The following MAPK8IP3 variants were observed in gnomAD, a reference collection of about 807,000 sequenced individuals.
The protein encoded by MAPK8IP3 is C-Jun-amino-terminal kinase-interacting protein 3.
Under a neutral mutation model 157.8 loss-of-function variants are expected in MAPK8IP3, and 49 were observed. The ratio of observed to expected loss-of-function variants is 0.31; its 90% CI spans 0.25 to 0.39. The LOEUF (loss-of-function observed/expected upper bound fraction) is 0.39, where lower values mean the gene tolerates loss of function less well. Among genes scored for constraint, MAPK8IP3 ranks in the 10% least tolerant of loss-of-function variants. MAPK8IP3 has a pLI of 1.00. For missense variants in MAPK8IP3, 1,478 were observed against 1,889.4 expected (o/e 0.78, Z 4.04); for synonymous variants, 897 against 777.7 (o/e 1.15, Z -2.55).
At chr16:1,755,818 C>T (rs1596741816) in intron 8 of MAPK8IP3, among the ~76,000 whole-genome samples, 1 of 146,746 alleles carries the variant, frequency 6.8e-6, no homozygotes, top group African/African-American at 2.6e-5. Context: ...CGCCGTTGCA[C>T]TCCAGCCTGG....
chr16:1,711,144 T>TA lies in MAPK8IP3; in HGVS notation c.318+4492dup, dbSNP rs535789246. The stretch of plus-strand genomic sequence containing the variant: ...AATATCTGTTTCATTTTTACGTTTT[T>TA]AAAAACCATTTTGAAATATGTACAG... On this transcript the variant is annotated intron_variant, in intron 1 of 31. Coordinates refer to ENST00000610761, the MANE Select transcript of MAPK8IP3 (RefSeq NM_001318852.2). 1.5e-4 allele frequency among the ~76,000 whole-genome samples: 23 copies of TA among 152,370 alleles called. No individual in the cohort carries two copies. In the South Asian group the frequency reaches 4.8e-3, roughly 32 times the overall value.
Position 1,762,706 on chromosome 16 carries a change from A to G in MAPK8IP3, c.1702A>G (p.Lys568Glu). Residue 568 changes from lysine (K) to glutamate (E), a missense_variant, in exon 15 of 32, where the codon AAG (lysine) becomes GAG (glutamate). Around this residue, in one of 11 missense-constraint regions of MAPK8IP3, gnomAD observed 669 missense variants for 759.8 expected, o/e 0.88. Transcript: ENST00000610761. ...CCGAGAGCACCCATCCGTCCAGGAG[A>G]AGAAGAAGTCGACCATCTGGCAGTT... ...ASREHPSVQE[K>E]KKSTIWQFFS... 3 of 1,570,522 alleles carry G rather than the reference A, an allele frequency of 1.9e-6. No individual in the cohort carries two copies. Among genetic ancestry groups the G allele is most frequent in the Non-Finnish European group, 2.6e-6 (3 of 1,156,458 alleles).
At chr16:1,725,159 T>C (rs927772882) in intron 2 of MAPK8IP3, among the ~76,000 whole-genome samples, 7 of 147,416 alleles carry the variant, frequency 4.7e-5, no homozygotes, top group Non-Finnish European at 7.4e-5. Flanking sequence ...TTTATTATTA[T>C]TATTATTATT....
Position 1,761,570 on chromosome 16 carries a change from C to T in MAPK8IP3, c.1539+265C>T, listed in dbSNP as rs550844608. On this transcript the variant is annotated intron_variant, in intron 13 of 31. Transcript: ENST00000610761. ...CGCCATTCACCATTCACACACAGGG[C>T]GACCACCATTCACCATTCACAGGCA... Among the ~76,000 whole-genome samples the T allele has an allele frequency of 8.4e-4, 121 of 144,062 alleles. 2 individuals carry two copies. The highest frequency in any genetic ancestry group is 3.3e-3 in the South Asian group (15 of 4,554). The allele number at this position is 144,062 out of a possible 152,430, so 94.5% of individuals were successfully genotyped here.
In MAPK8IP3 at chr16:1,764,998, C is replaced by T. The variant is rs750308774; in HGVS notation, c.2281-15C>T. The T allele has an allele frequency of 5.6e-6, 9 of 1,594,334 alleles. No homozygotes were observed. Among genetic ancestry groups the T allele is most frequent in the South Asian group, 2.2e-5 (2 of 90,362 alleles). On this transcript the variant is annotated splice_polypyrimidine_tract_variant and intron_variant, in intron 19 of 31. Coordinates refer to ENST00000610761, the MANE Select transcript of MAPK8IP3 (RefSeq NM_001318852.2). ...CAAGCTCGGGCTCTGACCTTGATCC[C>T]GTGCCCTGAAACAGGCCAAGGAGCT...
At chr16:1,764,250 CG>C in intron 18 of MAPK8IP3, 40 bp downstream of exon 18, 3 of 1,598,680 alleles carry the variant, frequency 1.9e-6, no homozygotes, top group Non-Finnish European at 1.7e-6. Context: ...GCTGGGCGAG[CG>C]GGAGGCTGGG....
Position 1,765,111 on chromosome 16 carries a change from G to C in MAPK8IP3, c.2379G>C (p.Gln793His), listed in dbSNP as rs776674105. 1.2e-6 allele frequency: 2 copies of C among 1,612,544 alleles called. No homozygotes were observed. Among genetic ancestry groups the C allele is most frequent in the Admixed American group, 1.7e-5 (1 of 60,002 alleles). Residue 793 changes from glutamine to histidine, a missense_variant, in exon 20 of 32, where the codon CAG becomes CAC. Gln to His is a conservative substitution (Grantham distance 24). Around this residue, in one of 11 missense-constraint regions of MAPK8IP3, gnomAD observed 669 missense variants for 759.8 expected, o/e 0.88. Transcript: ENST00000610761. Reference protein sequence around the residue: ...TSKVVIIDANQPGTVVDQFTV... With the variant: ...TSKVVIIDANHPGTVVDQFTV... ...AGGTGGTGATCATCGACGCCAACCA[G>C]CCGGGCACGGTGGTGGACCAGTTCA...
chr16:1,720,410 T>C (rs1165414015), intron 1 of MAPK8IP3, among the ~76,000 whole-genome samples: 2 of 152,208 alleles, frequency 1.3e-5, no homozygotes, highest in Non-Finnish European at 2.9e-5. Flanking sequence ...CAAACTGTGC[T>C]CTACACACAC....
At position 1,760,034 on chromosome 16, in the gene MAPK8IP3, T is replaced by C. The variant is rs561346894; in HGVS notation, c.1304+19T>C. 1 of 1,613,850 alleles carries C rather than the reference T, an allele frequency of 6.2e-7. No individual in the cohort carries two copies. The highest frequency in any genetic ancestry group is 1.1e-5 in the South Asian group (1 of 91,074). ...AAACCAAGTAAGAGTGCCCTTCTCC[T>C]GTGTGGTGGGGCTGAGGCAGCCCTC... On this transcript the variant is annotated intron_variant, in intron 11 of 31. Coordinates refer to ENST00000610761, the MANE Select transcript of MAPK8IP3 (RefSeq NM_001318852.2).
chr16:1,729,614 C>T (rs533611317), intron 4 of MAPK8IP3, 36 bp downstream of exon 4: 19 of 1,544,694 alleles, frequency 1.2e-5, no homozygotes, highest in East Asian at 9.4e-5. Flanking sequence ...GTACGCGGGG[C>T]GCGGCGGGGC....
chr16:1,716,346 G>C (rs767406365), intron 1 of MAPK8IP3, among the ~76,000 whole-genome samples: 1 of 136,922 alleles, frequency 7.3e-6, no homozygotes, highest in Non-Finnish European at 1.5e-5. Context: ...GTCTCCCTCT[G>C]TCATGCAGTG....
intron 8 of MAPK8IP3, among the ~76,000 whole-genome samples, chr16:1,756,625 C>CACAG (rs1323118307): frequency 1.3e-4 from 4 of 29,840 alleles, no homozygotes; most frequent in Admixed American, 2.7e-4. Flanking sequence ...TTTACTAAAA[C>CACAG]ACACACACAC....
intron 26 of MAPK8IP3, 51 bp downstream of exon 26, chr16:1,767,348 C>A: frequency 6.2e-7 from 1 of 1,606,698 alleles, no homozygotes; most frequent in Non-Finnish European, 8.5e-7. Context: ...TGCTGGCCAG[C>A]AGCTCTCCCG....
chr16:1,756,623 AACACACACACACACACACACACAC>A (rs60461442), intron 8 of MAPK8IP3, among the ~76,000 whole-genome samples: 1 of 135,606 alleles, frequency 7.4e-6, no homozygotes, highest in Admixed American at 7.5e-5. Context: ...TTTTTACTAA[AACACACACACACACACACACACAC>A]ACACACACAC....
intron 4 of MAPK8IP3, among the ~76,000 whole-genome samples, chr16:1,735,346 G>A (rs1180817280): frequency 6.6e-6 from 1 of 151,788 alleles, no homozygotes; most frequent in African/African-American, 2.4e-5. Context: ...GCGTCCATGT[G>A]AGCGTGTGAG....
chr16:1,727,466 G>A (rs536895024), intron 2 of MAPK8IP3, among the ~76,000 whole-genome samples: 11 of 152,302 alleles, frequency 7.2e-5, no homozygotes, highest in Admixed American at 2.6e-4. Flanking sequence ...GTTGTGTGCG[G>A]TGTCTGTACA....
rs184264125 is a variant in MAPK8IP3 at position 1,723,545 on chromosome 16, A to G, written c.319-1012A>G. ...GGAGGCAGGAGGATCATTTGAGCCC[A>G]GGTGCTCAAGGCTGCAGTGAGTTGT... On this transcript the variant is annotated intron_variant, in intron 1 of 31. Transcript: ENST00000610761. 4.6e-4 allele frequency among the ~76,000 whole-genome samples: 70 copies of G among 152,244 alleles called. 1 individual carries two copies. The highest frequency in any genetic ancestry group is 1.6e-3 in the African/African-American group (65 of 41,540).
chr16:1,723,707 C>G (rs1417654506), intron 1 of MAPK8IP3, among the ~76,000 whole-genome samples: 1 of 152,164 alleles, frequency 6.6e-6, no homozygotes, highest in African/African-American at 2.4e-5. Flanking sequence ...CCCCAGTTTT[C>G]TACTCTGTAA....
Position 1,751,018 on chromosome 16 carries a change from G to A in MAPK8IP3, c.1216+2298G>A, listed in dbSNP as rs552262603. The stretch of plus-strand genomic sequence containing the variant: ...CCACAGAGGTATGACACATGTGTAC[G>A]CAGAACACACAGTGTCAGGTCGCAG... On this transcript the variant is annotated intron_variant, in intron 8 of 31. Transcript: ENST00000610761. This position sits in a 1 kb window ranked among gnomAD's most constrained non-coding sequence, Gnocchi z 5.0. 5.9e-5 allele frequency among the ~76,000 whole-genome samples: 9 copies of A among 152,328 alleles called. No individual in the cohort carries two copies. The highest frequency in any genetic ancestry group is 1.9e-4 in the East Asian group (1 of 5,184).
Sources: allele counts gnomAD v4.1 joint callset (sites outside exome capture counted in the v4.1 genomes callset), GRCh38; gene constraint gnomAD v4.1.1; regional missense constraint gnomAD v4.1.1; non-coding constraint Gnocchi (gnomAD v3.1); transcripts MANE v1.5; gene names NCBI Gene and HGNC (gene_info 2026-07-23, HGNC 2026-07-21).